ESD: variants seen among roughly 807,000 people sequenced by gnomAD.
The protein encoded by ESD is S-formylglutathione hydrolase.
In ESD, 34 loss-of-function variants were observed where a neutral mutation model predicts 38.1. The observed-to-expected ratio is 0.89, with a 90% CI of 0.68 to 1.19. ESD has a LOEUF of 1.19. ESD is among the 50% of genes most tolerant of loss of function. ESD has a pLI of 0.00. For missense variants in ESD, 334 were observed against 327.2 expected (o/e 1.02, Z -0.16); for synonymous variants, 97 against 107.0 (o/e 0.91, Z 0.58).
chr13:46,782,643 T>C, intron 6 of ESD, 24 bp downstream of exon 6: 1 of 1,607,548 alleles, frequency 6.2e-7, no homozygotes, highest in South Asian at 1.1e-5. Flanking sequence ...CATCAATTAA[T>C]AATTACAATA....
In ESD at chr13:46,771,305, T is replaced by C. The variant is rs1874594305; in HGVS notation, c.*111A>G. The C allele has an allele frequency of 4.5e-6, 3 of 671,896 alleles. No individual in the cohort carries two copies. The highest frequency in any genetic ancestry group is 1.8e-5 in the African/African-American group (1 of 54,682). 41.6% of individuals were successfully genotyped at this position (671,896 alleles called of 1,614,324 possible). ...GTGATTCAACTATAGAATAAAGCCC[T>C]TTTAGCACTATAAAATCCAATGTTT... is the stretch of plus-strand genomic sequence containing the variant. On this transcript the variant is annotated 3_prime_UTR_variant, in exon 10 of 10. Transcript: ENST00000378720.
At chr13:46,780,575 G>A (rs1377659179) in intron 7 of ESD, among the ~76,000 whole-genome samples, 2 of 151,626 alleles carry the variant, frequency 1.3e-5, no homozygotes, top group Admixed American at 6.6e-5. Flanking sequence ...TAAATGTTTA[G>A]TGGTATCTAC....
intron 3 of ESD, among the ~76,000 whole-genome samples, chr13:46,788,286 TG>T (rs758719792): frequency 3.9e-5 from 6 of 152,212 alleles, no homozygotes; most frequent in Non-Finnish European, 5.9e-5. Context: ...CTCTGCATAT[TG>T]GTGATTTTCT....
intron 1 of ESD, among the ~76,000 whole-genome samples, chr13:46,794,161 A>AAAC (rs201107262): frequency 0.031 from 4,714 of 151,410 alleles, 244 homozygotes; most frequent in African/African-American, 0.1. Context: ...CCCCTCCAAA[A>AAAC]AACAACAACA....
At chr13:46,780,602 C>A (rs1439693678) in intron 7 of ESD, among the ~76,000 whole-genome samples, 3 of 151,308 alleles carry the variant, frequency 2.0e-5, no homozygotes, top group African/African-American at 4.8e-5. Flanking sequence ...TTTTAAAGGA[C>A]AAAAAAATCA....
chr13:46,782,892 T>C, intron 5 of ESD, 101 bp from the exon 6 acceptor site: 1 of 1,399,472 alleles, frequency 7.1e-7, no homozygotes, highest in South Asian at 1.3e-5. Flanking sequence ...GCATGGGAAC[T>C]GTTCACCAAA....
intron 9 of ESD, among the ~76,000 whole-genome samples, chr13:46,772,696 C>CTT (rs553166742): frequency 1.4e-5 from 2 of 146,360 alleles, no homozygotes; most frequent in African/African-American, 2.5e-5. Context: ...GGTGTTTGGT[C>CTT]TTTTTTTTTT....
chr13:46,797,127 A>G lies in ESD; in HGVS notation c.-78T>C, dbSNP rs1041518875. Reference sequence around the variant, plus strand: ...TACCTACGGTGGCGGAGTGACCAGAAGAAGCGGGCCGAAGTAAAAGGCGGG... The same window carrying G: ...TACCTACGGTGGCGGAGTGACCAGAGGAAGCGGGCCGAAGTAAAAGGCGGG... On this transcript the variant is annotated 5_prime_UTR_variant, in exon 1 of 10. Coordinates refer to ENST00000378720, the MANE Select transcript of ESD (RefSeq NM_001984.2). 1 of 152,424 alleles carries G rather than the reference A, an allele frequency of 6.6e-6. No homozygotes were observed. The highest frequency in any genetic ancestry group is 2.4e-5 in the African/African-American group (1 of 41,468). The allele number at this position is 152,424 out of a possible 1,614,324, so 9.4% of individuals were successfully genotyped here. A position where few individuals can be genotyped will look rare whatever the true frequency, so the allele number is the denominator to read the frequency against.
At chr13:46,772,420 G>C (rs544952987) in intron 9 of ESD, among the ~76,000 whole-genome samples, 1 of 152,100 alleles carries the variant, frequency 6.6e-6, no homozygotes, top group African/African-American at 2.4e-5. Flanking sequence ...AGGTATTAAC[G>C]CATTTTCCTT....
At chr13:46,794,919 G>A (rs925240167) in intron 1 of ESD, among the ~76,000 whole-genome samples, 1 of 151,924 alleles carries the variant, frequency 6.6e-6, no homozygotes, top group Non-Finnish European at 1.5e-5. Context: ...CATTTTCTGG[G>A]TGAAATAATC....
In ESD at chr13:46,777,694, A is replaced by C. The variant is rs563977652; in HGVS notation, c.601-71T>G. ...TTCAGGATATACTATACTAGTACCA[A>C]ACAGAAATTTAAAGTTATTTAAGCT... On this transcript the variant is annotated intron_variant, in intron 8 of 9. Transcript: ENST00000378720. 68 of 1,201,390 alleles carry C rather than the reference A, an allele frequency of 5.7e-5. No homozygotes were observed. In the African/African-American group the frequency reaches 1.0e-3, roughly 18 times the overall value. 74.4% of individuals were successfully genotyped at this position (1,201,390 alleles called of 1,614,324 possible).
chr13:46,785,242 T>C (rs1247386122), intron 4 of ESD, among the ~76,000 whole-genome samples: 1 of 152,064 alleles, frequency 6.6e-6, no homozygotes, highest in Non-Finnish European at 1.5e-5. Context: ...TATCTAATAC[T>C]ACAATGATGT....
chr13:46,785,033 T>A (rs931178067), intron 4 of ESD, among the ~76,000 whole-genome samples: 8 of 152,056 alleles, frequency 5.3e-5, no homozygotes, highest in African/African-American at 1.9e-4. Context: ...TACTTTTTTT[T>A]ACATACAGAT....
At chr13:46,785,103 G>C (rs1287151842) in intron 4 of ESD, among the ~76,000 whole-genome samples, 1 of 152,020 alleles carries the variant, frequency 6.6e-6, no homozygotes, top group Non-Finnish European at 1.5e-5. Flanking sequence ...ACTAAAAAGA[G>C]AGTAATGGTG....
intron 1 of ESD, among the ~76,000 whole-genome samples, chr13:46,795,388 C>T (rs1875538243): frequency 6.6e-6 from 1 of 152,178 alleles, no homozygotes; most frequent in East Asian, 1.9e-4. Context: ...GTGATAAAAA[C>T]ACATACATAA....
At chr13:46,795,910 T>C (rs1239669306) in intron 1 of ESD, among the ~76,000 whole-genome samples, 1 of 152,118 alleles carries the variant, frequency 6.6e-6, no homozygotes, top group African/African-American at 2.4e-5. Context: ...GGCACCACCA[T>C]GCCCAGGTAA....
At chr13:46,782,874 G>C in intron 5 of ESD, 83 bp from the exon 6 acceptor site, 1 of 1,514,308 alleles carries the variant, frequency 6.6e-7, no homozygotes, top group South Asian at 1.2e-5. Context: ...GAATCTGCAA[G>C]TCCATTTGCA....
At position 46,791,352 on chromosome 13, in the gene ESD, T is replaced by A. The variant is rs754293446; in HGVS notation, c.62A>T (p.His21Leu). 1 of 1,611,472 alleles carries A rather than the reference T, an allele frequency of 6.2e-7. No individual in the cohort carries two copies. The highest frequency in any genetic ancestry group is 2.2e-5 in the East Asian group (1 of 44,764). Residue 21 changes from histidine to leucine, a missense_variant, in exon 3 of 10, where the codon CAT becomes CTT. Coordinates refer to ENST00000378720, the MANE Select transcript of ESD (RefSeq NM_001984.2). ...ATATCTTCTTAATAGTTACCTGTCA[T>A]GTTCAAAAACTTTCTGCAATCCCCC... is the stretch of plus-strand genomic sequence containing the variant. Reference protein sequence around the residue: ...CFGGLQKVFEHDSVELNCKMK... With the variant: ...CFGGLQKVFELDSVELNCKMK...
intron 9 of ESD, among the ~76,000 whole-genome samples, chr13:46,772,031 C>T (rs111917358): frequency 7.2e-5 from 11 of 152,240 alleles, no homozygotes; most frequent in East Asian, 5.8e-4. Context: ...AAAATAAGCA[C>T]ACAAACAATA....
Sources: allele counts gnomAD v4.1 joint callset (sites outside exome capture counted in the v4.1 genomes callset), GRCh38; gene constraint gnomAD v4.1.1; transcripts MANE v1.5; gene names NCBI Gene and HGNC (gene_info 2026-07-23, HGNC 2026-07-21).